Variants in ANKHD1 observed in about 807,000 individuals in gnomAD.
The protein encoded by ANKHD1 is ankyrin repeat and KH domain containing 1, also known as ankyrin repeat and KH domain-containing protein 1.
A neutral mutation model predicts 230.5 loss-of-function variants in ANKHD1; 31 were observed. The ratio of observed to expected loss-of-function variants is 0.13; its 90% CI spans 0.10 to 0.18. The LOEUF (loss-of-function observed/expected upper bound fraction) is 0.18. ANKHD1 is among the 10% of genes least tolerant of loss of function. ANKHD1 has a pLI of 1.00. For missense variants in ANKHD1, 2,256 were observed against 3,071.3 expected, an observed-to-expected ratio of 0.73 and a Z score of 6.27; for synonymous variants, 1,074 against 1,117.6, an observed-to-expected ratio of 0.96 and a Z score of 0.78.
At chr5:140,472,640 TG>T (rs1309476395) in intron 10 of ANKHD1, among the ~76,000 whole-genome samples, 13 of 152,320 alleles carry the variant, frequency 8.5e-5, no homozygotes, top group Admixed American at 7.2e-4. Flanking sequence ...CATTCAACTT[TG>T]TTCATCAAAA....
chr5:140,532,675 A>G (rs923477413), intron 29 of ANKHD1, among the ~76,000 whole-genome samples: 3 of 152,238 alleles, frequency 2.0e-5, no homozygotes, highest in Non-Finnish European at 4.4e-5. Context: ...CTGTGAATAT[A>G]CAAAAAGCTA....
At chr5:140,533,919 A>G (rs529322400) in intron 29 of ANKHD1, among the ~76,000 whole-genome samples, 147 of 152,244 alleles carry the variant, frequency 9.7e-4, no homozygotes, top group South Asian at 1.9e-3. Flanking sequence ...TTTTGCTAAC[A>G]TCTACTTTGG....
rs1753662036 is a variant in ANKHD1 at position 140,527,597 on chromosome 5, T to A, written c.5088-276T>A. Among the ~76,000 whole-genome samples the A allele has an allele frequency of 6.6e-6, 1 of 152,192 alleles. No individual in the cohort carries two copies. Among genetic ancestry groups the A allele is most frequent in the South Asian group, 2.1e-4 (1 of 4,834 alleles). ...TTTTGGGCAGATTTGAATGCTTATATTGTGAGTGATTTAAATATAATTTTT... is the reference window on the plus strand; with the variant it reads ...TTTTGGGCAGATTTGAATGCTTATAATGTGAGTGATTTAAATATAATTTTT... On this transcript the variant is annotated intron_variant, in intron 27 of 33. Coordinates refer to ENST00000360839, the MANE Select transcript of ANKHD1 (RefSeq NM_017747.3). The surrounding 1 kb of genome is among the most constrained non-coding windows in gnomAD (Gnocchi z 4.5).
intron 9 of ANKHD1, among the ~76,000 whole-genome samples, chr5:140,463,765 C>T (rs544012319): frequency 1.7e-4 from 26 of 152,114 alleles, no homozygotes; most frequent in Non-Finnish European, 2.6e-4. Flanking sequence ...AAGCAATTCT[C>T]CCATCTCAGC....
At chr5:140,451,778 G>T (rs760968561) in intron 7 of ANKHD1, among the ~76,000 whole-genome samples, 2 of 152,052 alleles carry the variant, frequency 1.3e-5, no homozygotes, top group Non-Finnish European at 2.9e-5. Flanking sequence ...AAAGTGCTGG[G>T]GTTACAGCTG....
At chr5:140,419,180 G>A (rs942906626) in intron 1 of ANKHD1, among the ~76,000 whole-genome samples, 2 of 150,998 alleles carry the variant, frequency 1.3e-5, no homozygotes, top group Non-Finnish European at 3.0e-5. Context: ...AGTGTGAGGT[G>A]GTATCTAATT....
intron 32 of ANKHD1, 41 bp from the exon 33 acceptor site, chr5:140,538,878 A>T (rs1754190616): frequency 9.1e-6 from 13 of 1,432,444 alleles, no homozygotes; most frequent in Non-Finnish European, 1.0e-5. Context: ...TTTATAATTT[A>T]TAGTAATTTT....
At chr5:140,469,531 A>T (rs1297152092) in intron 10 of ANKHD1, among the ~76,000 whole-genome samples, 1 of 151,962 alleles carries the variant, frequency 6.6e-6, no homozygotes, top group East Asian at 1.9e-4. Flanking sequence ...AAACAAAAAA[A>T]ACTTACTGTG....
chr5:140,503,370 T>C (rs954278873), intron 15 of ANKHD1, among the ~76,000 whole-genome samples: 1 of 152,026 alleles, frequency 6.6e-6, no homozygotes, highest in African/African-American at 2.4e-5. Flanking sequence ...GTTACATCTA[T>C]TGAGCACCCA....
At chr5:140,452,155 C>T (rs1027873125) in intron 7 of ANKHD1, among the ~76,000 whole-genome samples, 26 of 152,150 alleles carry the variant, frequency 1.7e-4, no homozygotes, top group African/African-American at 6.0e-4. Context: ...AACTGCAAGG[C>T]GGCAGCCAGG....
intron 10 of ANKHD1, among the ~76,000 whole-genome samples, chr5:140,473,207 T>G (rs1750763716): frequency 6.6e-6 from 1 of 151,850 alleles, no homozygotes; most frequent in South Asian, 2.1e-4. Context: ...TTTTTGCATC[T>G]TTAGTAGAGA....
At chr5:140,458,987 T>TAC (rs1775479205) in intron 8 of ANKHD1, 125 bp downstream of exon 8, 5 of 20,762 alleles carry the variant, frequency 2.4e-4, no homozygotes, top group East Asian at 1.7e-3. Context: ...TATGCATATA[T>TAC]ATATATATGC....
chr5:140,526,619 G>C (rs570281839), intron 26 of ANKHD1, among the ~76,000 whole-genome samples, 176 bp downstream of exon 26: 1 of 152,232 alleles, frequency 6.6e-6, no homozygotes, highest in East Asian at 1.9e-4. Flanking sequence ...TCATTTGCTA[G>C]TTAGGAAATG....
chr5:140,513,366 C>A lies in ANKHD1; in HGVS notation c.4204C>A (p.Leu1402Met). ...ATAATTCTATTTCCTGCTGTAGGAACTGTTGAAAAAATGTCATCAATGTGT... is the reference window on the plus strand; with the variant it reads ...ATAATTCTATTTCCTGCTGTAGGAAATGTTGAAAAAATGTCATCAATGTGT... ...RYIATITDKELLKKCHQCVET... is the reference protein window; with the variant it reads ...RYIATITDKEMLKKCHQCVET... The change falls in exon 24 of 34, where the codon CTG (leucine) becomes ATG (methionine). Residue 1402 changes from leucine (L) to methionine (M), a missense_variant. This residue lies in a region of ANKHD1 where 195 missense variants were observed against 340.3 expected (regional missense o/e 0.57). Coordinates refer to ENST00000360839, the MANE Select transcript of ANKHD1 (RefSeq NM_017747.3). 6.2e-7 allele frequency: 1 copy of A among 1,607,796 alleles called. No individual in the cohort carries two copies. The highest frequency in any genetic ancestry group is 8.5e-7 in the Non-Finnish European group (1 of 1,177,636).
intron 7 of ANKHD1, among the ~76,000 whole-genome samples, chr5:140,449,837 A>T (rs1020417045): frequency 6.6e-6 from 1 of 152,160 alleles, no homozygotes; most frequent in Non-Finnish European, 1.5e-5. Context: ...ACATAGTTCT[A>T]GTGTTTTTAC....
intron 1 of ANKHD1, among the ~76,000 whole-genome samples, chr5:140,413,310 T>C (rs1414029197): frequency 1.3e-5 from 2 of 152,238 alleles, no homozygotes; most frequent in African/African-American, 4.8e-5. Flanking sequence ...TGTGGTAGAA[T>C]ATGTATATAT....
chr5:140,413,218 G>A (rs1364750888), intron 1 of ANKHD1, among the ~76,000 whole-genome samples: 2 of 152,112 alleles, frequency 1.3e-5, no homozygotes, highest in Admixed American at 6.5e-5. Context: ...GATTGAGAAC[G>A]AGTTTGTTTT....
At chr5:140,472,827 TAAG>T (rs1271678745) in intron 10 of ANKHD1, among the ~76,000 whole-genome samples, 3 of 152,158 alleles carry the variant, frequency 2.0e-5, no homozygotes, top group African/African-American at 7.2e-5. Context: ...AATTGGTTTT[TAAG>T]AAGGTGAATA....
chr5:140,502,992 T>C (rs1336174461), intron 15 of ANKHD1, among the ~76,000 whole-genome samples: 1 of 152,206 alleles, frequency 6.6e-6, no homozygotes, highest in South Asian at 2.1e-4. Flanking sequence ...GGGTAGCTCA[T>C]GTAGAAATAT....
Sources: allele counts gnomAD v4.1 joint callset (sites outside exome capture counted in the v4.1 genomes callset), GRCh38; gene constraint gnomAD v4.1.1; regional missense constraint gnomAD v4.1.1; non-coding constraint Gnocchi (gnomAD v3.1); transcripts MANE v1.5; gene names NCBI Gene and HGNC (gene_info 2026-07-23, HGNC 2026-07-21).